TEKT5: variants seen among roughly 807,000 people sequenced by gnomAD.
TEKT5 encodes the protein tektin-5.
In TEKT5, 52 loss-of-function variants were observed where a neutral mutation model predicts 48.7. The observed-to-expected ratio is 1.07, with a 90% CI of 0.86 to 1.35. The LOEUF is 1.35. Among genes scored for constraint, TEKT5 ranks in the 40% most tolerant of loss-of-function variants. The probability of loss-of-function intolerance (pLI) is 0.00; values close to 1 mark genes in which losing one functional copy is unlikely to be tolerated. For synonymous variants in TEKT5, 318 were observed against 267.6 expected (o/e 1.19, Z -1.84); for missense variants, 831 against 641.6 (o/e 1.30, Z -3.19).
chr16:10,685,126 C>G (rs542607520), intron 3 of TEKT5, among the ~76,000 whole-genome samples: 1 of 152,246 alleles, frequency 6.6e-6, no homozygotes, highest in African/African-American at 2.4e-5. Context: ...GACAAACAGC[C>G]TCCATCCGGC....
At chr16:10,675,204 T>G (rs1348199429) in intron 5 of TEKT5, among the ~76,000 whole-genome samples, 4 of 152,144 alleles carry the variant, frequency 2.6e-5, no homozygotes, top group Non-Finnish European at 4.4e-5. Flanking sequence ...GTTCTTTCTG[T>G]GTATAAATTT....
chr16:10,629,556 A>G (rs371962749), intron 6 of TEKT5, among the ~76,000 whole-genome samples: 11 of 151,896 alleles, frequency 7.2e-5, no homozygotes, highest in African/African-American at 2.7e-4. Context: ...TGGCCCTATA[A>G]TTTTTTAATA....
intron 5 of TEKT5, among the ~76,000 whole-genome samples, chr16:10,650,076 T>A (rs1319060045): frequency 6.6e-6 from 1 of 151,306 alleles, no homozygotes; most frequent in East Asian, 1.9e-4. Context: ...TTTATTTTTA[T>A]TATTATTTTT....
intron 5 of TEKT5, among the ~76,000 whole-genome samples, chr16:10,663,123 T>A (rs1050887769): frequency 6.6e-6 from 1 of 152,028 alleles, no homozygotes; most frequent in African/African-American, 2.4e-5. Flanking sequence ...ATGCATGGGG[T>A]GTGAAAGGCA....
intron 5 of TEKT5, among the ~76,000 whole-genome samples, chr16:10,656,105 G>A (rs1410888312): frequency 4.6e-5 from 7 of 152,158 alleles, no homozygotes; most frequent in African/African-American, 1.4e-4. Context: ...ATTGAAGGAT[G>A]TTTAGTTAGC....
intron 5 of TEKT5, among the ~76,000 whole-genome samples, chr16:10,654,498 G>A (rs756351109): frequency 6.6e-6 from 1 of 152,198 alleles, no homozygotes; most frequent in South Asian, 2.1e-4. Context: ...TTGAATTGAT[G>A]AACTCTGCGG....
chr16:10,635,310 C>T (rs1176843265), intron 6 of TEKT5, among the ~76,000 whole-genome samples: 3 of 151,848 alleles, frequency 2.0e-5, no homozygotes, highest in African/African-American at 7.3e-5. Flanking sequence ...GCCAGGAGCT[C>T]ATGAGGCTCT....
chr16:10,654,124 C>T (rs2142278610), intron 5 of TEKT5, among the ~76,000 whole-genome samples: 2 of 152,250 alleles, frequency 1.3e-5, no homozygotes, highest in South Asian at 4.1e-4. Flanking sequence ...TATTATGGCT[C>T]ACTGCAGCCT....
chr16:10,646,989 G>C (rs923601593), intron 5 of TEKT5, among the ~76,000 whole-genome samples: 1 of 152,136 alleles, frequency 6.6e-6, no homozygotes, highest in Non-Finnish European at 1.5e-5. Context: ...ACAACCCTTA[G>C]AATGCACCAC....
chr16:10,694,518 G>A lies in TEKT5; in HGVS notation c.356C>T (p.Ser119Phe). Reference protein sequence around the residue: ...RLWASRLTDDSMRLLQDKDQL... With the variant: ...RLWASRLTDDFMRLLQDKDQL... ...GTCCTTGTCCTGCAAGAGCCTCATGGAGTCATCCGTCAGCCGGCTGGCCCA... is the reference window on the plus strand; with the variant it reads ...GTCCTTGTCCTGCAAGAGCCTCATGAAGTCATCCGTCAGCCGGCTGGCCCA... Residue 119 changes from serine (S) to phenylalanine (F), a missense_variant, in exon 1 of 7, where the codon TCC becomes TTC. Ser to Phe is a radical substitution (Grantham distance 155, BLOSUM62 -2). Coordinates refer to ENST00000283025, the MANE Select transcript of TEKT5 (RefSeq NM_144674.2). The A allele has an allele frequency of 1.2e-6, 2 of 1,610,754 alleles. No individual in the cohort carries two copies. Among genetic ancestry groups the A allele is most frequent in the Non-Finnish European group, 8.5e-7 (1 of 1,178,354 alleles).
At chr16:10,657,283 G>A (rs1458936079) in intron 5 of TEKT5, among the ~76,000 whole-genome samples, 2 of 151,732 alleles carry the variant, frequency 1.3e-5, no homozygotes, top group African/African-American at 4.8e-5. Context: ...GCACCACCAT[G>A]CCCAGCTAAT....
intron 2 of TEKT5, 58 bp from the exon 3 acceptor site, chr16:10,689,381 C>CA: frequency 1.4e-6 from 2 of 1,451,310 alleles, no homozygotes; most frequent in Middle Eastern, 1.8e-4. Flanking sequence ...GTCTTCTCTC[C>CA]CAGGCCAGAG....
chr16:10,691,698 C>A (rs1196106202), intron 1 of TEKT5, among the ~76,000 whole-genome samples: 3 of 152,076 alleles, frequency 2.0e-5, no homozygotes, highest in South Asian at 2.1e-4. Context: ...CCTGTAATCC[C>A]AGCACTTTGG....
At chr16:10,682,566 G>A (rs1166994199) in intron 3 of TEKT5, among the ~76,000 whole-genome samples, 1 of 152,188 alleles carries the variant, frequency 6.6e-6, no homozygotes, top group Non-Finnish European at 1.5e-5. Flanking sequence ...AGGCTCAAGT[G>A]ATCCCCCTGC....
intron 5 of TEKT5, among the ~76,000 whole-genome samples, chr16:10,649,386 T>C (rs1898118310): frequency 6.6e-6 from 1 of 151,926 alleles, no homozygotes; most frequent in African/African-American, 2.4e-5. Context: ...TCTGGGATTA[T>C]AGGCATGAAC....
intron 2 of TEKT5, 95 bp from the exon 3 acceptor site, chr16:10,689,418 T>G (rs1898925457): frequency 5.5e-6 from 6 of 1,090,512 alleles, no homozygotes; most frequent in Admixed American, 2.0e-5. Context: ...CCCCTCTCAC[T>G]GACCACCCTC....
At chr16:10,680,570 T>C (rs1483187911) in intron 4 of TEKT5, among the ~76,000 whole-genome samples, 1 of 152,082 alleles carries the variant, frequency 6.6e-6, no homozygotes. Context: ...GTTTTCATTC[T>C]GCATAAAATC....
chr16:10,691,456 G>C (rs185765460), intron 1 of TEKT5: 32 of 152,724 alleles, frequency 2.1e-4, no homozygotes, highest in African/African-American at 7.5e-4. Flanking sequence ...CTAAGGAGGA[G>C]AAGGACTGTG....
At chr16:10,677,777 C>T (rs1898674127) in intron 4 of TEKT5, among the ~76,000 whole-genome samples, 1 of 119,626 alleles carries the variant, frequency 8.4e-6, no homozygotes, top group African/African-American at 3.5e-5. Context: ...CAGCCTCTCC[C>T]CTCCCACACT....
Sources: gnomAD v4.1 joint callset for allele counts (sites outside exome capture counted in the v4.1 genomes callset) on GRCh38, gnomAD v4.1.1 for gene constraint, MANE v1.5 for transcripts, NCBI Gene and HGNC (gene_info 2026-07-23, HGNC 2026-07-21) for gene names.